The following KCND2 variants were observed in gnomAD, a reference collection of about 807,000 sequenced individuals.
KCND2 encodes A-type voltage-gated potassium channel KCND2.
A neutral mutation model predicts 54.4 loss-of-function variants in KCND2; 16 were observed. That is an observed-to-expected ratio of 0.29 (90% CI 0.20 to 0.45). The LOEUF (loss-of-function observed/expected upper bound fraction) is 0.45, where lower values mean the gene tolerates loss of function less well. Among genes scored for constraint, KCND2 ranks in the 20% least tolerant of loss-of-function variants. The pLI, the probability that KCND2 is intolerant of heterozygous loss-of-function variation, is 1.00. For missense variants in KCND2, 486 were observed against 824.2 expected, an observed-to-expected ratio of 0.59 and a Z score of 5.02; for synonymous variants, 317 against 310.7, an observed-to-expected ratio of 1.02 and a Z score of -0.21.
In KCND2 at chr7:120,282,189, C is replaced by A. The variant is rs558548929; in HGVS notation, c.1115+6442C>A. Among the ~76,000 whole-genome samples, 222 of 152,178 alleles carry A rather than the reference C, an allele frequency of 1.5e-3. 1 individual carries two copies. Among genetic ancestry groups the A allele is most frequent in the African/African-American group, 5.1e-3 (212 of 41,540 alleles). The stretch of plus-strand genomic sequence containing the variant: ...GAAAGCCCAGTTCCTTATGTAAATA[C>A]GAGTAGCTTAAAAAGCCCATGGGTC... On this transcript the variant is annotated intron_variant, in intron 1 of 5. Coordinates refer to ENST00000331113, the MANE Select transcript of KCND2 (RefSeq NM_012281.3).
intron 1 of KCND2, among the ~76,000 whole-genome samples, chr7:120,437,599 A>G (rs751773455): frequency 1.3e-5 from 2 of 152,234 alleles, no homozygotes; most frequent in Non-Finnish European, 2.9e-5. Context: ...TAATATAATG[A>G]TAAACCAACC....
In KCND2 at chr7:120,306,858, T is replaced by G. The variant is rs142798159; in HGVS notation, c.1115+31111T>G. 3.9e-5 allele frequency among the ~76,000 whole-genome samples: 6 copies of G among 152,206 alleles called. No homozygotes were observed. The East Asian group carries it at 1.2e-3, about 29-fold the overall frequency. Reference sequence around the variant, plus strand: ...ATTAGTGAAACACAGATATAGTGACTATCCACAGAGTATTGGACTATGGTC... The same window carrying G: ...ATTAGTGAAACACAGATATAGTGACGATCCACAGAGTATTGGACTATGGTC... On this transcript the variant is annotated intron_variant, in intron 1 of 5. Transcript: ENST00000331113.
chr7:120,433,729 TG>T (rs1801827584), intron 1 of KCND2, among the ~76,000 whole-genome samples: 1 of 152,154 alleles, frequency 6.6e-6, no homozygotes, highest in South Asian at 2.1e-4. Flanking sequence ...CCATGAAAAG[TG>T]TAAGTTGAGC....
chr7:120,316,171 A>G (rs1329873832), intron 1 of KCND2, among the ~76,000 whole-genome samples: 2 of 152,044 alleles, frequency 1.3e-5, no homozygotes, highest in Non-Finnish European at 2.9e-5. Flanking sequence ...AAAAAACTAT[A>G]CTCTTTTACA....
intron 1 of KCND2, among the ~76,000 whole-genome samples, chr7:120,322,102 C>T (rs927635110): frequency 6.6e-6 from 1 of 151,586 alleles, no homozygotes; most frequent in African/African-American, 2.4e-5. Flanking sequence ...TCACAAATAC[C>T]TTTAAATTTA....
intron 1 of KCND2, among the ~76,000 whole-genome samples, chr7:120,424,569 G>T (rs1249468709): frequency 5.3e-5 from 8 of 152,146 alleles, no homozygotes; most frequent in Non-Finnish European, 1.2e-4. Flanking sequence ...AACAGATTTT[G>T]TAGGAAAAAA....
intron 1 of KCND2, among the ~76,000 whole-genome samples, chr7:120,502,249 T>G (rs1389891411): frequency 1.3e-5 from 2 of 152,038 alleles, no homozygotes; most frequent in East Asian, 3.9e-4. Flanking sequence ...GGCTGTTAGC[T>G]TAGAGACAAT....
At chr7:120,291,806 A>G (rs1031444845) in intron 1 of KCND2, among the ~76,000 whole-genome samples, 2 of 151,918 alleles carry the variant, frequency 1.3e-5, no homozygotes, top group Non-Finnish European at 2.9e-5. Flanking sequence ...TGAAATGACC[A>G]ATTGTTTTCT....
chr7:120,598,052 G>A (rs1179527241), intron 1 of KCND2, among the ~76,000 whole-genome samples: 1 of 150,424 alleles, frequency 6.6e-6, no homozygotes, highest in Non-Finnish European at 1.5e-5. Context: ...TTTTCCTTCA[G>A]AGAGACACCA....
chr7:120,749,496 G>C lies in KCND2; in HGVS notation c.*1638G>C, dbSNP rs1450700268. On this transcript the variant is annotated 3_prime_UTR_variant, in exon 6 of 6. Transcript: ENST00000331113. ...CTGTAAGGAATAAAGCTTAGCTTCT[G>C]TACATGGAAAGAGCTAATAATTATC... 6.6e-6 allele frequency: 1 copy of C among 152,336 alleles called. No homozygotes were observed. The highest frequency in any genetic ancestry group is 1.5e-5 in the Non-Finnish European group (1 of 67,836). The allele number at this position is 152,336 out of a possible 1,614,324, so 9.4% of individuals were successfully genotyped here.
intron 1 of KCND2, among the ~76,000 whole-genome samples, chr7:120,320,296 T>A (rs1475586171): frequency 6.6e-6 from 1 of 152,166 alleles, no homozygotes; most frequent in African/African-American, 2.4e-5. Context: ...AAAGATTAAC[T>A]TCTATAAGAA....
intron 1 of KCND2, among the ~76,000 whole-genome samples, chr7:120,577,455 C>G (rs924737549): frequency 1.3e-5 from 2 of 152,068 alleles, no homozygotes; most frequent in African/African-American, 4.8e-5. Flanking sequence ...TTTCTCATAC[C>G]TCCAAAGATA....
At chr7:120,275,773 T>C (rs1406728313) in intron 1 of KCND2, 26 bp downstream of exon 1, 27 of 1,599,370 alleles carry the variant, frequency 1.7e-5, no homozygotes, top group Non-Finnish European at 2.1e-5. Flanking sequence ...GGAAATGGGA[T>C]GGAGGTTGGG....
chr7:120,515,286 G>A (rs1272442763), intron 1 of KCND2, among the ~76,000 whole-genome samples: 1 of 151,938 alleles, frequency 6.6e-6, no homozygotes. Context: ...CATATATTTT[G>A]TGAAGCCCTC....
chr7:120,321,344 G>C (rs575783219), intron 1 of KCND2, among the ~76,000 whole-genome samples: 3 of 152,024 alleles, frequency 2.0e-5, no homozygotes, highest in Non-Finnish European at 2.9e-5. Flanking sequence ...ACATTGTTTA[G>C]GCATGTCTTG....
intron 1 of KCND2, among the ~76,000 whole-genome samples, chr7:120,479,797 A>AG (rs1491575519): frequency 1.5e-5 from 1 of 66,888 alleles, no homozygotes; most frequent in Non-Finnish European, 2.4e-5. Flanking sequence ...ACACACACAC[A>AG]AAAAAAAAAA....
intron 1 of KCND2, among the ~76,000 whole-genome samples, chr7:120,557,311 T>C (rs1199748442): frequency 6.6e-6 from 1 of 152,192 alleles, no homozygotes; most frequent in Non-Finnish European, 1.5e-5. Flanking sequence ...CTTTTCTTGC[T>C]ATTTTGAAAT....
intron 1 of KCND2, among the ~76,000 whole-genome samples, chr7:120,726,623 G>A (rs1216708427): frequency 2.0e-5 from 3 of 152,156 alleles, no homozygotes; most frequent in Non-Finnish European, 4.4e-5. Context: ...GGCTTTCACC[G>A]GGGCATTATA....
chr7:120,328,948 A>T (rs1319599236), intron 1 of KCND2, among the ~76,000 whole-genome samples: 1 of 152,112 alleles, frequency 6.6e-6, no homozygotes, highest in Non-Finnish European at 1.5e-5. Context: ...ATACCATAAA[A>T]ATATCTTGCT....
Sources: gnomAD v4.1 joint callset for allele counts (sites outside exome capture counted in the v4.1 genomes callset) on GRCh38, gnomAD v4.1.1 for gene constraint, MANE v1.5 for transcripts, NCBI Gene and HGNC (gene_info 2026-07-23, HGNC 2026-07-21) for gene names.